Variants in PLK1 observed in about 807,000 individuals in gnomAD.
PLK1 encodes the protein serine/threonine-protein kinase PLK1.
Under a neutral mutation model 56.7 loss-of-function variants are expected in PLK1, and 6 were observed. That is an observed-to-expected ratio of 0.11 (90% CI 0.06 to 0.21). The LOEUF is 0.21. Ranked by LOEUF, PLK1 falls within the 10% of genes least tolerant of loss-of-function variation. The pLI is 1.00. For synonymous variants in PLK1, 298 were observed against 325.0 expected (o/e 0.92, Z 0.89); for missense variants, 546 against 814.4 (o/e 0.67, Z 4.01).
intron 5 of PLK1, among the ~76,000 whole-genome samples, chr16:23,684,842 T>A (rs150381054): frequency 0.034 from 5,131 of 151,726 alleles, 107 homozygotes; most frequent in Middle Eastern, 0.096. Flanking sequence ...TATCTTTTAG[T>A]AGAGACGGGG....
At chr16:23,687,696 C>A in intron 6 of PLK1, 72 bp downstream of exon 6, 3 of 1,153,246 alleles carry the variant, frequency 2.6e-6, no homozygotes, top group Non-Finnish European at 3.6e-6. Context: ...GAGGCTTGGC[C>A]AACAAAGCAC....
chr16:23,690,178 G>A lies in PLK1; in HGVS notation c.*115G>A, dbSNP rs564820510. ...AGTGTGCCCCCCAGCCCCGGTGGCT[G>A]GGCAGAGCTGCATCATCCTTGCAGG... On this transcript the variant is annotated 3_prime_UTR_variant, in exon 10 of 10. Coordinates refer to ENST00000300093, the MANE Select transcript of PLK1 (RefSeq NM_005030.6). 32 of 780,950 alleles carry A rather than the reference G, an allele frequency of 4.1e-5. No homozygotes were observed. In the African/African-American group the frequency reaches 5.2e-4, roughly 13 times the overall value. The allele number at this position is 780,950 out of a possible 1,614,324, so 48.4% of individuals were successfully genotyped here.
intron 4 of PLK1, among the ~76,000 whole-genome samples, chr16:23,683,185 G>A (rs892898157): frequency 2.0e-5 from 3 of 151,444 alleles, no homozygotes; most frequent in Admixed American, 6.6e-5. Flanking sequence ...GTAGAGACAG[G>A]GTTTGACCGT....
At position 23,687,509 on chromosome 16, in the gene PLK1, A is replaced by T; in HGVS notation, c.1077A>T (p.Glu359Asp). 6.3e-7 allele frequency: 1 copy of T among 1,599,614 alleles called. No homozygotes were observed. The highest frequency in any genetic ancestry group is 8.5e-7 in the Non-Finnish European group (1 of 1,171,284). Reference sequence around the variant, plus strand: ...TGCCTGAGCGTCCCCGGGAAAAAGAAGAACCAGTGGTTCGAGAGACAGGTG... The same window carrying T: ...TGCCTGAGCGTCCCCGGGAAAAAGATGAACCAGTGGTTCGAGAGACAGGTG... Reference protein sequence around the residue: ...NPLPERPREKEEPVVRETGEV... With the variant: ...NPLPERPREKDEPVVRETGEV... The change falls in exon 6 of 10, where the codon GAA becomes GAT. Residue 359 changes from glutamate to aspartate, a missense_variant. Around this residue, in one of 7 missense-constraint regions of PLK1, gnomAD observed 157 missense variants for 184.0 expected, o/e 0.85. Coordinates refer to ENST00000300093, the MANE Select transcript of PLK1 (RefSeq NM_005030.6).
At position 23,682,077 on chromosome 16, in the gene PLK1, G is replaced by C; in HGVS notation, c.736G>C (p.Val246Leu). 1 of 1,598,870 alleles carries C rather than the reference G, an allele frequency of 6.3e-7. No homozygotes were observed. Among genetic ancestry groups the C allele is most frequent in the Non-Finnish European group, 8.6e-7 (1 of 1,166,184 alleles). The change falls in exon 4 of 10, where the codon GTG becomes CTG. Residue 246 changes from valine (V) to leucine (L), a missense_variant. By Grantham distance (32) the Val-to-Leu change is conservative (BLOSUM62 1). Transcript: ENST00000300093. ...TTGTGCTTACAGGTATACCTTGTTA[G>C]TGGGCAAACCACCTTTTGAGACTTC... ...SIGCIMYTLL[V>L]GKPPFETSCL...
At chr16:23,680,372 T>G in intron 2 of PLK1, 120 bp downstream of exon 2, 2 of 737,740 alleles carry the variant, frequency 2.7e-6, no homozygotes, top group Non-Finnish European at 4.5e-6. Flanking sequence ...GATGCATTAT[T>G]TTTTTGTGCC....
chr16:23,684,451 C>T (rs1022526672), intron 5 of PLK1, among the ~76,000 whole-genome samples: 1 of 152,176 alleles, frequency 6.6e-6, no homozygotes, highest in African/African-American at 2.4e-5. Flanking sequence ...CTCTAGGGCT[C>T]AATTGATCCT....
intron 1 of PLK1, chr16:23,679,757 AC>A: frequency 3.5e-6 from 1 of 285,524 alleles, no homozygotes; most frequent in South Asian, 7.6e-5. Flanking sequence ...CGGGGGAGAT[AC>A]GAGTCAGGAA....
At chr16:23,688,040 C>G (rs997456090) in intron 6 of PLK1, among the ~76,000 whole-genome samples, 3 of 152,180 alleles carry the variant, frequency 2.0e-5, no homozygotes, top group Non-Finnish European at 4.4e-5. Flanking sequence ...TCTCCCTGGC[C>G]CCTCTGCTGG....
chr16:23,679,790 C>G, intron 1 of PLK1: 1 of 322,280 alleles, frequency 3.1e-6, no homozygotes. Flanking sequence ...GCTGGGGACT[C>G]GGAGCTTCCG....
intron 6 of PLK1, among the ~76,000 whole-genome samples, chr16:23,688,070 C>T (rs1028487340): frequency 6.6e-6 from 1 of 152,190 alleles, no homozygotes; most frequent in Non-Finnish European, 1.5e-5. Flanking sequence ...TCCTCTTGCC[C>T]ACTGCATAGT....
intron 3 of PLK1, among the ~76,000 whole-genome samples, chr16:23,681,467 G>C (rs1323377874): frequency 1.3e-5 from 2 of 152,214 alleles, no homozygotes; most frequent in Non-Finnish European, 2.9e-5. Flanking sequence ...ACACCGATGA[G>C]CATTAGCATG....
At chr16:23,679,834 G>T (rs1277445272) in intron 1 of PLK1, 3 of 390,646 alleles carry the variant, frequency 7.7e-6, no homozygotes, top group Non-Finnish European at 1.4e-5. Context: ...CAGGTAAGGG[G>T]GGAAGCTAGT....
Position 23,683,874 on chromosome 16 carries a change from T to A in PLK1, c.821T>A (p.Ile274Asn). 6.2e-7 allele frequency: 1 copy of A among 1,613,600 alleles called. No individual in the cohort carries two copies. Among genetic ancestry groups the A allele is most frequent in the Non-Finnish European group, 8.5e-7 (1 of 1,179,570 alleles). ...KKNEYSIPKH[I>N]NPVAASLIQK... ...CTGTCCCTCTCTCTGCCCCAGCACATCAACCCCGTGGCCGCCTCCCTCATC... is the reference window on the plus strand; with the variant it reads ...CTGTCCCTCTCTCTGCCCCAGCACAACAACCCCGTGGCCGCCTCCCTCATC... The change falls in exon 5 of 10, where the codon ATC (isoleucine) becomes AAC (asparagine). Residue 274 changes from isoleucine (I) to asparagine (N), a missense_variant. Transcript: ENST00000300093.
chr16:23,690,208 G>A lies in PLK1; in HGVS notation c.*145G>A. The A allele has an allele frequency of 3.0e-6, 2 of 677,198 alleles. No homozygotes were observed. The highest frequency in any genetic ancestry group is 5.3e-6 in the Non-Finnish European group (2 of 379,992). The allele number at this position is 677,198 out of a possible 1,614,324, so 41.9% of individuals were successfully genotyped here. A position where few individuals can be genotyped will look rare whatever the true frequency, so the allele number is the denominator to read the frequency against. On this transcript the variant is annotated 3_prime_UTR_variant, in exon 10 of 10. Transcript: ENST00000300093. ...GAGCTGCATCATCCTTGCAGGTGGG[G>A]GTTGCTGTATAAGTTATTTTTGTAC...
chr16:23,689,863 C>A lies in PLK1; in HGVS notation c.1612C>A (p.His538Asn). The change falls in exon 10 of 10, where the codon CAC becomes AAC. Residue 538 changes from histidine to asparagine, a missense_variant. His to Asn is a moderately conservative substitution (Grantham distance 68). This residue lies in a region of PLK1 where 113 missense variants were observed against 202.0 expected (regional missense o/e 0.56). Transcript: ENST00000300093. This position sits in a 1 kb window ranked among gnomAD's most constrained non-coding sequence, Gnocchi z 4.8. ...GSVQINFFQD[H>N]TKLILCPLMA... ...CCCTGCTGCTCTTCTCTTGCAGGATCACACCAAGCTCATCTTGTGCCCACT... is the reference window on the plus strand; with the variant it reads ...CCCTGCTGCTCTTCTCTTGCAGGATAACACCAAGCTCATCTTGTGCCCACT... 6.2e-7 allele frequency: 1 copy of A among 1,613,348 alleles called. No homozygotes were observed. Among genetic ancestry groups the A allele is most frequent in the Non-Finnish European group, 8.5e-7 (1 of 1,179,340 alleles).
At position 23,687,442 on chromosome 16, in the gene PLK1, A is replaced by G. The variant is rs769548143; in HGVS notation, c.1037-27A>G. On this transcript the variant is annotated intron_variant, in intron 5 of 9. Coordinates refer to ENST00000300093, the MANE Select transcript of PLK1 (RefSeq NM_005030.6). ...GCAGGGGAGTCCCGTGCCCTTCCCA[A>G]CGCCCCTGTTTTTGTCACCTTCCTA... 19 of 1,523,858 alleles carry G rather than the reference A, an allele frequency of 1.2e-5. No homozygotes were observed. The African/African-American group carries it at 2.5e-4, about 20-fold the overall frequency. 94.4% of individuals were successfully genotyped at this position (1,523,858 alleles called of 1,614,324 possible).
intron 4 of PLK1, among the ~76,000 whole-genome samples, chr16:23,682,524 CTT>C (rs375256991): frequency 1.2e-3 from 163 of 136,022 alleles, no homozygotes; most frequent in East Asian, 1.5e-3. Context: ...TGGCCTGCAT[CTT>C]TTTTTTTTTT....
Position 23,679,069 on chromosome 16 carries a change from A to G in PLK1, c.137A>G (p.Asp46Gly). The change falls in exon 1 of 10, where the codon GAC (aspartate) becomes GGC (glycine). Residue 46 changes from aspartate to glycine, a missense_variant. Asp to Gly is a moderately conservative substitution (Grantham distance 94). Around this residue, in one of 7 missense-constraint regions of PLK1, gnomAD observed 72 missense variants for 63.7 expected, o/e 1.13. Transcript: ENST00000300093. ...AAAGAGATCCCGGAGGTCCTAGTGG[A>G]CCCACGCAGCCGGCGGCGCTATGTG... Reference protein sequence around the residue: ...PAKEIPEVLVDPRSRRRYVRG... With the variant: ...PAKEIPEVLVGPRSRRRYVRG... 1.2e-6 allele frequency: 2 copies of G among 1,606,470 alleles called. No homozygotes were observed. Among genetic ancestry groups the G allele is most frequent in the Non-Finnish European group, 1.7e-6 (2 of 1,174,620 alleles).
Sources: allele counts gnomAD v4.1 joint callset (sites outside exome capture counted in the v4.1 genomes callset), GRCh38; gene constraint gnomAD v4.1.1; regional missense constraint gnomAD v4.1.1; non-coding constraint Gnocchi (gnomAD v3.1); transcripts MANE v1.5; gene names NCBI Gene and HGNC (gene_info 2026-07-23, HGNC 2026-07-21).